Variants in CKAP4 observed in about 807,000 individuals in gnomAD.
CKAP4 encodes cytoskeleton-associated protein 4.
Under a neutral mutation model 24.4 loss-of-function variants are expected in CKAP4, and 20 were observed. The ratio of observed to expected loss-of-function variants is 0.82; its 90% CI spans 0.58 to 1.19. The LOEUF (loss-of-function observed/expected upper bound fraction) is 1.19, where lower values mean the gene tolerates loss of function less well. CKAP4 is among the 50% of genes most tolerant of loss of function. The probability of loss-of-function intolerance (pLI) is 0.00; values close to 1 mark genes in which losing one functional copy is unlikely to be tolerated. For synonymous variants in CKAP4, 378 were observed against 351.7 expected, an observed-to-expected ratio of 1.07 and a Z score of -0.84; for missense variants, 744 against 765.3, an observed-to-expected ratio of 0.97 and a Z score of 0.33.
In CKAP4 at chr12:106,240,386, G is replaced by A. The variant is rs2033960006; in HGVS notation, c.484-37C>T. Reference sequence around the variant, plus strand: ...ATCCAGACGTTAATTGCTGAGAAGAGCTGATGAGTTTCACATGATACAACT... The same window carrying A: ...ATCCAGACGTTAATTGCTGAGAAGAACTGATGAGTTTCACATGATACAACT... On this transcript the variant is annotated intron_variant, in intron 1 of 1. Transcript: ENST00000378026. The A allele has an allele frequency of 2.5e-6, 4 of 1,579,078 alleles. No individual in the cohort carries two copies. In the African/African-American group the frequency reaches 4.1e-5, roughly 16 times the overall value.
Position 106,239,019 on chromosome 12 carries a change from T to C in CKAP4, c.*5A>G, listed in dbSNP as rs370840363. The stretch of plus-strand genomic sequence containing the variant: ...TTAAATCCGCGCCCTGCACACGCAA[T>C]TCATTTAGACCTTTTCGTGAATCTT... On this transcript the variant is annotated 3_prime_UTR_variant, in exon 2 of 2. Transcript: ENST00000378026. This position sits in a 1 kb window ranked among gnomAD's most constrained non-coding sequence, Gnocchi z 4.9. 5.7e-5 allele frequency: 91 copies of C among 1,607,926 alleles called. No homozygotes were observed. In the African/African-American group the frequency reaches 1.2e-3, roughly 21 times the overall value.
Position 106,247,437 on chromosome 12 carries a change from G to A in CKAP4, c.415C>T (p.Arg139Cys), listed in dbSNP as rs929391301. ...HVLEEVQQVR[R>C]SHQDFSRQRE... ...TGCCGGGAGAAGTCCTGGTGGCTGCGCCGGACCTGCTGGACCTCCTCCAGG... is the reference window on the plus strand; with the variant it reads ...TGCCGGGAGAAGTCCTGGTGGCTGCACCGGACCTGCTGGACCTCCTCCAGG... Residue 139 changes from arginine to cysteine, a missense_variant, in exon 1 of 2, where the codon CGC becomes TGC. Around this residue, in one of 3 missense-constraint regions of CKAP4, gnomAD observed 300 missense variants for 264.5 expected, o/e 1.13. Transcript: ENST00000378026. This position sits in a 1 kb window ranked among gnomAD's most constrained non-coding sequence, Gnocchi z 4.5. 9.1e-6 allele frequency: 14 copies of A among 1,543,964 alleles called. No individual in the cohort carries two copies. The highest frequency in any genetic ancestry group is 2.8e-5 in the African/African-American group (2 of 72,488).
rs766734379 is a variant in CKAP4, at chr12:106,240,076, C to A, written c.757G>T (p.Ala253Ser). ...ELTKSINDNI[A>S]IFTEVQKRSQ... ...CTCTTCTGGACTTCTGTGAAGATGG[C>A]GATGTTGTCGTTGATGGATTTGGTG... The change falls in exon 2 of 2, where the codon GCC becomes TCC. Residue 253 changes from alanine to serine, a missense_variant. This residue lies in a region of CKAP4 where 43 missense variants were observed against 76.4 expected (regional missense o/e 0.56). Transcript: ENST00000378026. 6.2e-7 allele frequency: 1 copy of A among 1,614,000 alleles called. No homozygotes were observed. The highest frequency in any genetic ancestry group is 1.3e-5 in the African/African-American group (1 of 74,902).
In CKAP4 at chr12:106,247,277, C is replaced by T; in HGVS notation, c.483+92G>A. The T allele has an allele frequency of 2.5e-6, 3 of 1,207,726 alleles. No homozygotes were observed. The highest frequency in any genetic ancestry group is 3.4e-6 in the Non-Finnish European group (3 of 895,506). The allele number at this position is 1,207,726 out of a possible 1,614,324, so 74.8% of individuals were successfully genotyped here. A position where few individuals can be genotyped will look rare whatever the true frequency, so the allele number is the denominator to read the frequency against. On this transcript the variant is annotated intron_variant, in intron 1 of 1. Coordinates refer to ENST00000378026, the MANE Select transcript of CKAP4 (RefSeq NM_006825.4). This position sits in a 1 kb window ranked among gnomAD's most constrained non-coding sequence, Gnocchi z 4.5. Reference sequence around the variant, plus strand: ...CCCGCCTCCGGGCCTGGGCAGGCAGCGCTAGGGGCCGGTCGGGAAGCACGA... The same window carrying T: ...CCCGCCTCCGGGCCTGGGCAGGCAGTGCTAGGGGCCGGTCGGGAAGCACGA...
Position 106,240,395 on chromosome 12 carries a change from T to C in CKAP4, c.484-46A>G, listed in dbSNP as rs768029978. 13 of 1,556,468 alleles carry C rather than the reference T, an allele frequency of 8.4e-6. No individual in the cohort carries two copies. The South Asian group carries it at 1.1e-4, about 13-fold the overall frequency. On this transcript the variant is annotated intron_variant, in intron 1 of 1. Transcript: ENST00000378026. ...TTAATTGCTGAGAAGAGCTGATGAGTTTCACATGATACAACTTTTTTTGTC... is the reference window on the plus strand; with the variant it reads ...TTAATTGCTGAGAAGAGCTGATGAGCTTCACATGATACAACTTTTTTTGTC...
At position 106,239,665 on chromosome 12, in the gene CKAP4, C is replaced by T; in HGVS notation, c.1168G>A (p.Asp390Asn). Residue 390 changes from aspartate (D) to asparagine (N), a missense_variant, in exon 2 of 2, where the codon GAC (aspartate) becomes AAC (asparagine). By Grantham distance (23) the Asp-to-Asn change is conservative (BLOSUM62 1). Around this residue, in one of 3 missense-constraint regions of CKAP4, gnomAD observed 401 missense variants for 424.5 expected, o/e 0.94. Coordinates refer to ENST00000378026, the MANE Select transcript of CKAP4 (RefSeq NM_006825.4). The surrounding 1 kb of genome is among the most constrained non-coding windows in gnomAD (Gnocchi z 4.9). ...GCTTCCGAGTGTCTGAAGCCTCCGT[C>T]CTCCTTCGGCCCGTGGGAATCGGAC... is the stretch of plus-strand genomic sequence containing the variant. ...LKSDSHGPKEDGGFRHSEAFE... is the reference protein window; with the variant it reads ...LKSDSHGPKENGGFRHSEAFE... 1 of 1,614,242 alleles carries T rather than the reference C, an allele frequency of 6.2e-7. No individual in the cohort carries two copies. The highest frequency in any genetic ancestry group is 1.1e-5 in the South Asian group (1 of 91,088).
In CKAP4 at chr12:106,238,807, G is replaced by A. The variant is rs1054732063; in HGVS notation, c.*217C>T. On this transcript the variant is annotated 3_prime_UTR_variant, in exon 2 of 2. Transcript: ENST00000378026. ...GCCACCTGTTATTCACAGGGGCTGCGCTTCAGGAAACCAACCAAATGCAGA... is the reference window on the plus strand; with the variant it reads ...GCCACCTGTTATTCACAGGGGCTGCACTTCAGGAAACCAACCAAATGCAGA... 5 of 559,758 alleles carry A rather than the reference G, an allele frequency of 8.9e-6. No individual in the cohort carries two copies. Among genetic ancestry groups the A allele is most frequent in the African/African-American group, 3.8e-5 (2 of 53,162 alleles). 34.7% of individuals were successfully genotyped at this position (559,758 alleles called of 1,614,324 possible). A position where few individuals can be genotyped will look rare whatever the true frequency, so the allele number is the denominator to read the frequency against.
In CKAP4 at chr12:106,247,422, A is replaced by G. The variant is rs779093922; in HGVS notation, c.430T>C (p.Phe144Leu). 8 of 1,544,342 alleles carry G rather than the reference A, an allele frequency of 5.2e-6. No individual in the cohort carries two copies. Among genetic ancestry groups the G allele is most frequent in the Non-Finnish European group, 7.0e-6 (8 of 1,147,110 alleles). ...CCCAGCTCCTCCCTCTGCCGGGAGAAGTCCTGGTGGCTGCGCCGGACCTGC... is the reference window on the plus strand; with the variant it reads ...CCCAGCTCCTCCCTCTGCCGGGAGAGGTCCTGGTGGCTGCGCCGGACCTGC... ...VQQVRRSHQD[F>L]SRQREELGQG... is the part of the protein sequence containing the mutation. The change falls in exon 1 of 2, where the codon TTC becomes CTC. Residue 144 changes from phenylalanine to leucine, a missense_variant. By Grantham distance (22) the Phe-to-Leu change is conservative. Coordinates refer to ENST00000378026, the MANE Select transcript of CKAP4 (RefSeq NM_006825.4). This position sits in a 1 kb window ranked among gnomAD's most constrained non-coding sequence, Gnocchi z 4.5.
In CKAP4 at chr12:106,238,994, T is replaced by C; in HGVS notation, c.*30A>G. 6.3e-7 allele frequency: 1 copy of C among 1,596,062 alleles called. No individual in the cohort carries two copies. Among genetic ancestry groups the C allele is most frequent in the East Asian group, 2.2e-5 (1 of 44,542 alleles). ...TTTTTTGGTCATGAGAAATTGGACT[T>C]TAAATCCGCGCCCTGCACACGCAAT... On this transcript the variant is annotated 3_prime_UTR_variant, in exon 2 of 2. Transcript: ENST00000378026.
At position 106,239,534 on chromosome 12, in the gene CKAP4, G is replaced by A; in HGVS notation, c.1299C>T (p.Ser433=). ...GGCTCTTGGACAGGAGGGACTCCAG[G>A]CTCTCGGTCTGGCGCGCAGAAGCCA... ...MQVASARQTE[S]LESLLSKSQE... is the part of the protein sequence containing the mutation. Residue 433 remains serine (S), a synonymous_variant, in exon 2 of 2, where the codon AGC becomes AGT. Transcript: ENST00000378026. The surrounding 1 kb of genome is among the most constrained non-coding windows in gnomAD (Gnocchi z 4.9). The A allele has an allele frequency of 1.2e-6, 2 of 1,610,794 alleles. No individual in the cohort carries two copies. The highest frequency in any genetic ancestry group is 1.7e-4 in the Middle Eastern group (1 of 6,044).
In CKAP4 at chr12:106,247,620, TGCCGCCGCCGCC is replaced by T. The variant is rs750145170; in HGVS notation, c.220_231del (p.Gly74_Gly77del). ...GAGGCGGAGGAGGAGGAGGAGGACT[TGCCGCCGCCGCC>T]GCCGCCGCCGCGGTGGCCGCCCTTG... is the stretch of plus-strand genomic sequence containing the variant. On this transcript the variant is annotated inframe_deletion, in exon 1 of 2. Transcript: ENST00000378026. The surrounding 1 kb of genome is among the most constrained non-coding windows in gnomAD (Gnocchi z 4.5). 22 of 981,808 alleles carry T rather than the reference TGCCGCCGCCGCC, an allele frequency of 2.2e-5. 3 individuals are homozygous for T. In the South Asian group the frequency reaches 2.5e-4, roughly 11 times the overall value. The allele number at this position is 981,808 out of a possible 1,614,324, so 60.8% of individuals were successfully genotyped here. A position where few individuals can be genotyped will look rare whatever the true frequency, so the allele number is the denominator to read the frequency against.
Position 106,239,535 on chromosome 12 carries a change from C to T in CKAP4, c.1298G>A (p.Ser433Asn). The change falls in exon 2 of 2, where the codon AGC (serine) becomes AAC (asparagine). Residue 433 changes from serine (S) to asparagine (N), a missense_variant. This residue lies in a region of CKAP4 where 401 missense variants were observed against 424.5 expected (regional missense o/e 0.94). Transcript: ENST00000378026. This position sits in a 1 kb window ranked among gnomAD's most constrained non-coding sequence, Gnocchi z 4.9. ...MQVASARQTE[S>N]LESLLSKSQE... ...GCTCTTGGACAGGAGGGACTCCAGG[C>T]TCTCGGTCTGGCGCGCAGAAGCCAC... 1 of 1,610,882 alleles carries T rather than the reference C, an allele frequency of 6.2e-7. No homozygotes were observed. Among genetic ancestry groups the T allele is most frequent in the East Asian group, 2.2e-5 (1 of 44,816 alleles).
Position 106,247,602 on chromosome 12 carries a change from A to AGGC in CKAP4, c.249_250insGCC (p.Ser83_Ser84insAla). ...GCGGCGGCAGCGGCGGCGGAGGCGG[A>AGGC]GGAGGAGGAGGAGGACTTGCCGCCG... On this transcript the variant is annotated inframe_insertion, in exon 1 of 2. Transcript: ENST00000378026. The surrounding 1 kb of genome is among the most constrained non-coding windows in gnomAD (Gnocchi z 4.5). 9.1e-7 allele frequency: 1 copy of AGGC among 1,093,058 alleles called. No homozygotes were observed. Among genetic ancestry groups the AGGC allele is most frequent in the East Asian group, 5.1e-5 (1 of 19,502 alleles). The allele number at this position is 1,093,058 out of a possible 1,614,324, so 67.7% of individuals were successfully genotyped here.
At position 106,239,256 on chromosome 12, in the gene CKAP4, G is replaced by C. The variant is rs1417892079; in HGVS notation, c.1577C>G (p.Pro526Arg). The change falls in exon 2 of 2, where the codon CCT (proline) becomes CGT (arginine). Residue 526 changes from proline to arginine, a missense_variant. Physicochemically the swap from Pro to Arg is moderately radical, Grantham distance 103. Around this residue, in one of 3 missense-constraint regions of CKAP4, gnomAD observed 401 missense variants for 424.5 expected, o/e 0.94. Coordinates refer to ENST00000378026, the MANE Select transcript of CKAP4 (RefSeq NM_006825.4). The surrounding 1 kb of genome is among the most constrained non-coding windows in gnomAD (Gnocchi z 4.9). ...AGAAAGTCTGTCCAGGAAGTCCTGA[G>C]GAGGCAGACGGGCGGCCTGGGCTTG... Reference protein sequence around the residue: ...QDQAQAARLPPQDFLDRLSSL... With the variant: ...QDQAQAARLPRQDFLDRLSSL... 2 of 1,613,696 alleles carry C rather than the reference G, an allele frequency of 1.2e-6. No individual in the cohort carries two copies. Among genetic ancestry groups the C allele is most frequent in the African/African-American group, 2.7e-5 (2 of 74,932 alleles).
intron 1 of CKAP4, among the ~76,000 whole-genome samples, chr12:106,241,017 T>C (rs1249761799): frequency 6.6e-6 from 1 of 152,120 alleles, no homozygotes; most frequent in Non-Finnish European, 1.5e-5. Context: ...GAAGCTAAGG[T>C]GACAGGTTGC....
chr12:106,246,419 T>C (rs948420897), intron 1 of CKAP4, among the ~76,000 whole-genome samples: 4 of 152,148 alleles, frequency 2.6e-5, no homozygotes, highest in African/African-American at 9.7e-5. Flanking sequence ...ACCAGTATGA[T>C]CTAGTATTTT....
intron 1 of CKAP4, among the ~76,000 whole-genome samples, chr12:106,243,197 C>T (rs2136535886): frequency 6.6e-6 from 1 of 152,318 alleles, no homozygotes; most frequent in South Asian, 2.1e-4. Flanking sequence ...ATACAAAGGA[C>T]TTCAGACACA....
chr12:106,241,393 C>T (rs1329698089), intron 1 of CKAP4, among the ~76,000 whole-genome samples: 1 of 139,002 alleles, frequency 7.2e-6, no homozygotes, highest in African/African-American at 2.8e-5. Context: ...AGTGCAGTGG[C>T]GGGATCTCGG....
In CKAP4 at chr12:106,240,052, T is replaced by G. The variant is rs762309036; in HGVS notation, c.781A>C (p.Arg261=). 47 of 1,614,092 alleles carry G rather than the reference T, an allele frequency of 2.9e-5. No individual in the cohort carries two copies. The highest frequency in any genetic ancestry group is 3.9e-5 in the Non-Finnish European group (46 of 1,180,044). Residue 261 remains arginine, a synonymous_variant, in exon 2 of 2, where the codon AGG becomes CGG. Coordinates refer to ENST00000378026, the MANE Select transcript of CKAP4 (RefSeq NM_006825.4). The part of the protein sequence containing the change: ...NIAIFTEVQK[R]SQKEINDMKA... ...ATGTCATTGATCTCCTTCTGGCTCC[T>G]CTTCTGGACTTCTGTGAAGATGGCG... is the stretch of plus-strand genomic sequence containing the variant.
Sources: allele counts gnomAD v4.1 joint callset (sites outside exome capture counted in the v4.1 genomes callset), GRCh38; gene constraint gnomAD v4.1.1; regional missense constraint gnomAD v4.1.1; non-coding constraint Gnocchi (gnomAD v3.1); transcripts MANE v1.5; gene names NCBI Gene and HGNC (gene_info 2026-07-23, HGNC 2026-07-21).